The following ENOX1 variants were observed in gnomAD, a reference collection of about 807,000 sequenced individuals.
The protein encoded by ENOX1 is ecto-NOX disulfide-thiol exchanger 1.
Under a neutral mutation model 82.5 loss-of-function variants are expected in ENOX1, and 42 were observed. That is an observed-to-expected ratio of 0.51 (90% CI 0.40 to 0.66). ENOX1 has a LOEUF of 0.66. Among genes scored for constraint, ENOX1 ranks in the 30% least tolerant of loss-of-function variants. ENOX1 has a pLI of 0.00. For synonymous variants in ENOX1, 271 were observed against 282.2 expected, an observed-to-expected ratio of 0.96 and a Z score of 0.40; for missense variants, 608 against 811.6, an observed-to-expected ratio of 0.75 and a Z score of 3.05.
intron 5 of ENOX1, among the ~76,000 whole-genome samples, chr13:43,402,069 C>T (rs57935896): frequency 0.013 from 2,050 of 152,118 alleles, 54 homozygotes; most frequent in African/African-American, 0.047. Flanking sequence ...AAAAATCAAT[C>T]AAGACAGAGA....
chr13:43,356,514 AT>A (rs563901140), intron 7 of ENOX1, among the ~76,000 whole-genome samples: 10 of 151,654 alleles, frequency 6.6e-5, no homozygotes, highest in South Asian at 2.1e-4. Flanking sequence ...GGCATGGAGC[AT>A]TTTTTTTCTC....
intron 15 of ENOX1, among the ~76,000 whole-genome samples, chr13:43,225,021 C>G (rs2041961101): frequency 1.3e-5 from 2 of 152,180 alleles, no homozygotes; most frequent in African/African-American, 4.8e-5. Context: ...GGAATCAGCT[C>G]AGGTGCCCAT....
intron 11 of ENOX1, among the ~76,000 whole-genome samples, chr13:43,308,869 T>A (rs60141884): frequency 0.37 from 56,084 of 151,976 alleles, 10,545 homozygotes; most frequent in South Asian, 0.53. Context: ...CCCTTAATTG[T>A]TTATTTCTCA....
intron 2 of ENOX1, among the ~76,000 whole-genome samples, chr13:43,641,529 A>ATTTTTTTTTTTTTTTTTTTTTTTTTTTTT (rs769737189): frequency 1.2e-5 from 1 of 83,094 alleles, no homozygotes. Context: ...TTAATTTTTA[A>ATTTTTTTTTTTTTTTTTTTTTTTTTTTTT]TTTTTTTTTT....
At position 43,298,296 on chromosome 13, in the gene ENOX1, TAC is replaced by T. The variant is rs746241459; in HGVS notation, c.1446+48_1446+49del. 3 of 1,514,562 alleles carry T rather than the reference TAC, an allele frequency of 2.0e-6. No individual in the cohort carries two copies. In the African/African-American group the frequency reaches 4.4e-5, roughly 22 times the overall value. 93.8% of individuals were successfully genotyped at this position (1,514,562 alleles called of 1,614,324 possible). A position where few individuals can be genotyped will look rare whatever the true frequency, so the allele number is the denominator to read the frequency against. Reference sequence around the variant, plus strand: ...CGGCTGCCTTTCCATTTTCATTTAATACACATATCTCTTTCTCTCAAAAAAAA... The same window carrying T: ...CGGCTGCCTTTCCATTTTCATTTAATACATATCTCTTTCTCTCAAAAAAAA... On this transcript the variant is annotated intron_variant, in intron 12 of 16. Coordinates refer to ENST00000690772, the MANE Select transcript of ENOX1 (RefSeq NM_001347969.2).
chr13:43,267,206 T>C (rs931407690), intron 13 of ENOX1, among the ~76,000 whole-genome samples: 1 of 152,184 alleles, frequency 6.6e-6, no homozygotes, highest in Admixed American at 6.5e-5. Context: ...TTCTCTCCTT[T>C]AGCTGCTACT....
At chr13:43,762,346 G>A (rs945174264) in intron 1 of ENOX1, among the ~76,000 whole-genome samples, 12 of 152,142 alleles carry the variant, frequency 7.9e-5, no homozygotes, top group Non-Finnish European at 1.5e-4. Context: ...GCTATTATTC[G>A]TTCCACAGGA....
intron 3 of ENOX1, among the ~76,000 whole-genome samples, chr13:43,474,846 A>G (rs2058213361): frequency 6.6e-6 from 1 of 152,168 alleles, no homozygotes; most frequent in African/African-American, 2.4e-5. Context: ...GAGTGATTTC[A>G]GCAGGTCTAT....
intron 14 of ENOX1, among the ~76,000 whole-genome samples, chr13:43,247,873 A>T (rs1434420722): frequency 0.39 from 2,004 of 5,128 alleles, 267 homozygotes; most frequent in East Asian, 0.52. Context: ...ATATATATAT[A>T]TATATATATA....
At chr13:43,381,043 T>C (rs1200060197) in intron 5 of ENOX1, among the ~76,000 whole-genome samples, 1 of 151,726 alleles carries the variant, frequency 6.6e-6, no homozygotes, top group African/African-American at 2.4e-5. Flanking sequence ...CTAAATAATA[T>C]CAACCAATTT....
At chr13:43,462,665 G>A (rs1282850664) in intron 3 of ENOX1, among the ~76,000 whole-genome samples, 3 of 152,188 alleles carry the variant, frequency 2.0e-5, no homozygotes, top group Non-Finnish European at 4.4e-5. Context: ...CTTCGAGAGG[G>A]TAGCAAATAA....
intron 3 of ENOX1, among the ~76,000 whole-genome samples, chr13:43,430,898 T>C (rs1345384447): frequency 6.6e-6 from 1 of 152,240 alleles, no homozygotes; most frequent in Admixed American, 6.5e-5. Context: ...TCATTTTCAG[T>C]CATGACCTGA....
intron 3 of ENOX1, among the ~76,000 whole-genome samples, chr13:43,477,976 C>T (rs2058354950): frequency 1.3e-5 from 2 of 150,836 alleles, no homozygotes; most frequent in South Asian, 2.1e-4. Flanking sequence ...GGGACTCCAG[C>T]AGGAAGGAAA....
At position 43,555,867 on chromosome 13, in the gene ENOX1, T is replaced by C. The variant is rs148520559; in HGVS notation, c.-218-71715A>G. On this transcript the variant is annotated intron_variant, in intron 2 of 16. Coordinates refer to ENST00000690772, the MANE Select transcript of ENOX1 (RefSeq NM_001347969.2). The stretch of plus-strand genomic sequence containing the variant: ...ATAATTCGCAAGTTGTAAATATGTA[T>C]GAATCTGCCCACTGCAGCTAGGGAT... Among the ~76,000 whole-genome samples, 748 of 152,324 alleles carry C rather than the reference T, an allele frequency of 4.9e-3. 7 individuals are homozygous for C. Among genetic ancestry groups the C allele is most frequent in the African/African-American group, 0.017 (693 of 41,572 alleles).
intron 5 of ENOX1, chr13:43,394,872 A>AAAG (rs1466101497): frequency 1.3e-5 from 2 of 152,098 alleles, no homozygotes; most frequent in African/African-American, 4.8e-5. Flanking sequence ...TACAGGAAAA[A>AAAG]AAAAAAAATG....
chr13:43,391,170 A>G (rs1316719412), intron 5 of ENOX1, among the ~76,000 whole-genome samples: 1 of 152,076 alleles, frequency 6.6e-6, no homozygotes, highest in African/African-American at 2.4e-5. Flanking sequence ...CATGCCGGCT[A>G]CTACTTGGCT....
chr13:43,214,494 C>T (rs1022991620), intron 16 of ENOX1, among the ~76,000 whole-genome samples: 3 of 152,176 alleles, frequency 2.0e-5, no homozygotes, highest in Admixed American at 6.5e-5. Context: ...GTGGCTTCAT[C>T]CTCATCTATG....
chr13:43,774,862 T>C (rs998294401), intron 1 of ENOX1, among the ~76,000 whole-genome samples: 1 of 152,186 alleles, frequency 6.6e-6, no homozygotes, highest in African/African-American at 2.4e-5. Flanking sequence ...TTTTTCTTTT[T>C]TTTTGAGATG....
intron 1 of ENOX1, among the ~76,000 whole-genome samples, chr13:43,700,738 T>C (rs2086864440): frequency 1.3e-5 from 2 of 152,154 alleles, no homozygotes; most frequent in African/African-American, 4.8e-5. Flanking sequence ...GATAGTTGTA[T>C]CATGTTAGAT....
Sources: allele counts gnomAD v4.1 joint callset (sites outside exome capture counted in the v4.1 genomes callset), GRCh38; gene constraint gnomAD v4.1.1; transcripts MANE v1.5; gene names NCBI Gene and HGNC (gene_info 2026-07-23, HGNC 2026-07-21).